Variants in FAM217A observed in about 807,000 individuals in gnomAD.
FAM217A encodes protein FAM217A.
In FAM217A, 13 loss-of-function variants were observed where a neutral mutation model predicts 18.5. The ratio of observed to expected loss-of-function variants is 0.70; its 90% CI spans 0.46 to 1.12. The LOEUF is 1.12. FAM217A is among the 50% of genes most tolerant of loss of function. FAM217A has a pLI of 0.00. For missense variants in FAM217A, 560 were observed against 575.4 expected (o/e 0.97, Z 0.27); for synonymous variants, 161 against 202.8 (o/e 0.79, Z 1.75).
At chr6:4,086,446 C>CA (rs60309347) in intron 1 of FAM217A, among the ~76,000 whole-genome samples, 10,132 of 76,002 alleles carry the variant, frequency 0.13, 708 homozygotes, top group Middle Eastern at 0.2. Context: ...AACTCTGTCT[C>CA]AAAAAAAAAA....
upstream of FAM217A, among the ~76,000 whole-genome samples, chr6:4,081,646 C>A (rs1581901971): frequency 6.6e-6 from 1 of 152,162 alleles, no homozygotes; most frequent in African/African-American, 2.4e-5. Flanking sequence ...GTAACCTGAG[C>A]CTTAGATGTA....
rs551461909 is a variant in FAM217A at position 4,074,744 on chromosome 6, G to C, written c.61-83C>G. The C allele has an allele frequency of 4.5e-5, 47 of 1,050,360 alleles. 1 individual carries two copies. The highest frequency in any genetic ancestry group is 3.3e-4 in the African/African-American group (21 of 63,060). The allele number at this position is 1,050,360 out of a possible 1,614,324, so 65.1% of individuals were successfully genotyped here. On this transcript the variant is annotated intron_variant, in intron 2 of 6. Coordinates refer to ENST00000274673, the MANE Select transcript of FAM217A (RefSeq NM_173563.3). ...TAATTTCACATGTTCTTGGGGTAAA[G>C]TATGACGAAAGGCACAAAGCTTCAT...
rs1769254063 is a variant in FAM217A, at chr6:4,069,541, G to A, written c.682C>T (p.Pro228Ser). The change falls in exon 7 of 7, where the codon CCA (proline) becomes TCA (serine). Residue 228 changes from proline to serine, a missense_variant. Coordinates refer to ENST00000274673, the MANE Select transcript of FAM217A (RefSeq NM_173563.3). ...TCCTCAACATTTTTTATTGTTTCTG[G>A]CTTCAAGTTCAGGTCCACCTTTTTA... ...YFKKVDLNLKPETIKNVEEPF... is the reference protein window; with the variant it reads ...YFKKVDLNLKSETIKNVEEPF... 6.2e-7 allele frequency: 1 copy of A among 1,614,066 alleles called. No individual in the cohort carries two copies. Among genetic ancestry groups the A allele is most frequent in the Non-Finnish European group, 8.5e-7 (1 of 1,179,992 alleles).
upstream of FAM217A, chr6:4,087,043 C>T (rs917663562): frequency 2.5e-5 from 10 of 398,962 alleles, no homozygotes; most frequent in African/African-American, 1.2e-4. Flanking sequence ...CAGTTTTGGA[C>T]GATGAAGCTC....
intron 1 of FAM217A, among the ~76,000 whole-genome samples, chr6:4,086,340 G>C (rs1435754869): frequency 6.6e-6 from 1 of 151,234 alleles, no homozygotes; most frequent in Admixed American, 6.6e-5. Context: ...CAGCTACTCA[G>C]GAGGCCAAGG....
Position 4,068,484 on chromosome 6 carries a change from G to C in FAM217A, c.*212C>G. 1 of 446,162 alleles carries C rather than the reference G, an allele frequency of 2.2e-6. No homozygotes were observed. The highest frequency in any genetic ancestry group is 3.9e-6 in the Non-Finnish European group (1 of 257,390). The allele number at this position is 446,162 out of a possible 1,614,324, so 27.6% of individuals were successfully genotyped here. On this transcript the variant is annotated 3_prime_UTR_variant, in exon 7 of 7. Transcript: ENST00000274673. ...TTTACTTGAAACACAACATGCAAAA[G>C]ATTGTGAAATATGTCAGTATAGAAG...
rs1037722998 is a variant in FAM217A, at chr6:4,068,530, C to T, written c.*166G>A. The T allele has an allele frequency of 1.6e-5, 10 of 638,830 alleles. No homozygotes were observed. The highest frequency in any genetic ancestry group is 2.6e-5 in the Non-Finnish European group (10 of 390,266). The allele number at this position is 638,830 out of a possible 1,614,324, so 39.6% of individuals were successfully genotyped here. ...AGAAGCCTGTGGGTTTATATATAGA[C>T]ATCTCAGCAGTGCTTTTCACAAGTT... On this transcript the variant is annotated 3_prime_UTR_variant, in exon 7 of 7. Coordinates refer to ENST00000274673, the MANE Select transcript of FAM217A (RefSeq NM_173563.3).
At position 4,068,766 on chromosome 6, in the gene FAM217A, T is replaced by C; in HGVS notation, c.1457A>G (p.Gln486Arg). ...NIVLNRPFSI[Q>R]KLNCLSPSLI... ...GGAAGGCGACAAACAGTTTAGCTTC[T>C]GAATAGAGAATGGTCTATTCAACAC... The change falls in exon 7 of 7, where the codon CAG becomes CGG. Residue 486 changes from glutamine to arginine, a missense_variant. Transcript: ENST00000274673. The C allele has an allele frequency of 1.2e-6, 2 of 1,613,832 alleles. No homozygotes were observed. Among genetic ancestry groups the C allele is most frequent in the Non-Finnish European group, 1.7e-6 (2 of 1,179,928 alleles).
At chr6:4,080,333 C>T (rs1770206297), upstream of FAM217A, among the ~76,000 whole-genome samples, 1 of 152,178 alleles carries the variant, frequency 6.6e-6, no homozygotes, top group South Asian at 2.1e-4. Flanking sequence ...TTGTACTCCT[C>T]ATAATCTTGC....
chr6:4,074,133 T>C lies in FAM217A; in HGVS notation c.159+310A>G, dbSNP rs996857699. 5.9e-5 allele frequency among the ~76,000 whole-genome samples: 9 copies of C among 152,210 alleles called. 1 individual carries two copies. Among genetic ancestry groups the C allele is most frequent in the African/African-American group, 1.2e-4 (5 of 41,456 alleles). Reference sequence around the variant, plus strand: ...TCCTAAAGTGCTGGGATTACAGGCATGAGCCACTGCACCCGGCCTGCTTCA... The same window carrying C: ...TCCTAAAGTGCTGGGATTACAGGCACGAGCCACTGCACCCGGCCTGCTTCA... On this transcript the variant is annotated intron_variant, in intron 4 of 6. Coordinates refer to ENST00000274673, the MANE Select transcript of FAM217A (RefSeq NM_173563.3).
chr6:4,069,027 T>A lies in FAM217A; in HGVS notation c.1196A>T (p.Tyr399Phe). ...AATAGAACTTTTGGGATTCTTATCA[T>A]AAGTTTCAATCAATTGTTTTGGGGT... ...SSTPKQLIET[Y>F]DKNPKSSILS... Residue 399 changes from tyrosine to phenylalanine, a missense_variant, in exon 7 of 7, where the codon TAT (tyrosine) becomes TTT (phenylalanine). By Grantham distance (22) the Tyr-to-Phe change is conservative. Coordinates refer to ENST00000274673, the MANE Select transcript of FAM217A (RefSeq NM_173563.3). The A allele has an allele frequency of 1.2e-6, 2 of 1,613,886 alleles. No individual in the cohort carries two copies. Among genetic ancestry groups the A allele is most frequent in the East Asian group, 4.5e-5 (2 of 44,878 alleles).
intron 6 of FAM217A, among the ~76,000 whole-genome samples, chr6:4,072,762 CAA>C (rs11307567): frequency 4.9e-4 from 71 of 145,424 alleles, no homozygotes; most frequent in African/African-American, 6.1e-4. Context: ...AACTCCGTCT[CAA>C]AAAAAAAAAA....
At chr6:4,078,537 C>T (rs926902091) in intron 1 of FAM217A, among the ~76,000 whole-genome samples, 1 of 152,126 alleles carries the variant, frequency 6.6e-6, no homozygotes, top group South Asian at 2.1e-4. Context: ...AGGAGGAAGG[C>T]GGTTGCTGAG....
At chr6:4,080,430 A>G (rs1770212345), upstream of FAM217A, among the ~76,000 whole-genome samples, 1 of 152,188 alleles carries the variant, frequency 6.6e-6, no homozygotes, top group Non-Finnish European at 1.5e-5. Context: ...TGTCTAGTTC[A>G]TTTCTGTATC....
chr6:4,085,706 CAT>C (rs1770613630), intron 1 of FAM217A, among the ~76,000 whole-genome samples: 1 of 152,190 alleles, frequency 6.6e-6, no homozygotes, highest in Admixed American at 6.5e-5. Flanking sequence ...ATGAGAATCA[CAT>C]TGAATTCAAG....
At chr6:4,069,998 C>G in intron 6 of FAM217A, 78 bp from the exon 7 acceptor site, 1 of 1,055,506 alleles carries the variant, frequency 9.5e-7, no homozygotes, top group Non-Finnish European at 1.3e-6. Context: ...GTTAAGTACC[C>G]TTTATCAAAG....
In FAM217A at chr6:4,079,003, T is replaced by G. The variant is rs550215961; in HGVS notation, c.-186A>C. 13 of 473,798 alleles carry G rather than the reference T, an allele frequency of 2.7e-5. No homozygotes were observed. The highest frequency in any genetic ancestry group is 5.7e-4 in the Middle Eastern group (1 of 1,764). The allele number at this position is 473,798 out of a possible 1,614,324, so 29.3% of individuals were successfully genotyped here. On this transcript the variant is annotated 5_prime_UTR_variant, in exon 1 of 7. Coordinates refer to ENST00000274673, the MANE Select transcript of FAM217A (RefSeq NM_173563.3). ...GGGGACAAAGAGGGCGGCGGGCGGC[T>G]GGCGGCCTTGAGCGCAGCCCGGTCG...
chr6:4,080,527 C>A (rs1461555303), upstream of FAM217A, among the ~76,000 whole-genome samples: 1 of 151,978 alleles, frequency 6.6e-6, no homozygotes, highest in East Asian at 1.9e-4. Context: ...AAGATTTGTG[C>A]AGGCCTCATT....
chr6:4,068,457 C>A lies in FAM217A; in HGVS notation c.*239G>T. The A allele has an allele frequency of 2.5e-6, 1 of 392,564 alleles. No individual in the cohort carries two copies. The highest frequency in any genetic ancestry group is 4.5e-6 in the Non-Finnish European group (1 of 222,192). 24.3% of individuals were successfully genotyped at this position (392,564 alleles called of 1,614,324 possible). A position where few individuals can be genotyped will look rare whatever the true frequency, so the allele number is the denominator to read the frequency against. On this transcript the variant is annotated 3_prime_UTR_variant, in exon 7 of 7. Coordinates refer to ENST00000274673, the MANE Select transcript of FAM217A (RefSeq NM_173563.3). Reference sequence around the variant, plus strand: ...GAATAGAATAGTCTACCAAGTGAACCATTTACTTGAAACACAACATGCAAA... The same window carrying A: ...GAATAGAATAGTCTACCAAGTGAACAATTTACTTGAAACACAACATGCAAA...
Sources: allele counts gnomAD v4.1 joint callset (sites outside exome capture counted in the v4.1 genomes callset), GRCh38; gene constraint gnomAD v4.1.1; transcripts MANE v1.5; gene names NCBI Gene and HGNC (gene_info 2026-07-23, HGNC 2026-07-21).